The following BLOC1S3 variants were observed in gnomAD, a reference collection of about 807,000 sequenced individuals.
BLOC1S3 encodes the protein biogenesis of lysosomal organelles complex 1 subunit 3.
Under a neutral mutation model 9.1 loss-of-function variants are expected in BLOC1S3, and 7 were observed. The observed-to-expected ratio is 0.77, with a 90% CI of 0.44 to 1.45. The LOEUF is 1.45. Among genes scored for constraint, BLOC1S3 ranks in the 40% most tolerant of loss-of-function variants. The pLI is 0.01. For synonymous variants in BLOC1S3, 145 were observed against 158.4 expected, an observed-to-expected ratio of 0.92 and a Z score of 0.64; for missense variants, 307 against 315.2, an observed-to-expected ratio of 0.97 and a Z score of 0.20.
intron 3 of BLOC1S3, among the ~76,000 whole-genome samples, chr19:45,205,467 A>G (rs1444294371): frequency 2.6e-5 from 4 of 152,192 alleles, no homozygotes; most frequent in African/African-American, 9.7e-5. Flanking sequence ...CCTGGCCAAA[A>G]TACACTTTAA....
chr19:45,179,641 G>C lies in BLOC1S3; in HGVS notation c.345G>C (p.Glu115Asp). The C allele has an allele frequency of 6.8e-7, 1 of 1,472,346 alleles. No homozygotes were observed. The highest frequency in any genetic ancestry group is 8.9e-7 in the Non-Finnish European group (1 of 1,118,066). 91.2% of individuals were successfully genotyped at this position (1,472,346 alleles called of 1,614,324 possible). A position where few individuals can be genotyped will look rare whatever the true frequency, so the allele number is the denominator to read the frequency against. ...ARSLLQLRLAESQARLDHDVA... is the reference protein window; with the variant it reads ...ARSLLQLRLADSQARLDHDVA... ...CGCTCCTGCAACTTCGGCTGGCGGA[G>C]AGCCAGGCGCGGCTGGACCACGACG... The change falls in exon 2 of 2, where the codon GAG (glutamate) becomes GAC (aspartate). Residue 115 changes from glutamate (E) to aspartate (D), a missense_variant. Physicochemically the swap from Glu to Asp is conservative, Grantham distance 45. Coordinates refer to ENST00000433642, the MANE Select transcript of BLOC1S3 (RefSeq NM_212550.5). This position sits in a 1 kb window ranked among gnomAD's most constrained non-coding sequence, Gnocchi z 4.6.
At chr19:45,208,751 C>G (rs1969746284) in intron 3 of BLOC1S3, among the ~76,000 whole-genome samples, 1 of 146,780 alleles carries the variant, frequency 6.8e-6, no homozygotes, top group Admixed American at 6.8e-5. Flanking sequence ...GTGAAACTAT[C>G]TCAGAAAGAA....
intron 2 of BLOC1S3, among the ~76,000 whole-genome samples, chr19:45,201,513 G>A (rs9676738): frequency 0.032 from 4,878 of 152,164 alleles, 106 homozygotes; most frequent in South Asian, 0.066. Flanking sequence ...AGGGCTCTTC[G>A]GCCAGCAGGT....
rs1166916899 is a variant in BLOC1S3 at position 45,180,986 on chromosome 19, A to G, written c.*1081A>G. The G allele has an allele frequency of 6.0e-6, 1 of 167,014 alleles. No homozygotes were observed. The highest frequency in any genetic ancestry group is 2.4e-5 in the African/African-American group (1 of 41,442). The allele number at this position is 167,014 out of a possible 1,614,324, so 10.3% of individuals were successfully genotyped here. ...AGGTGATCCACCCGCCTCACCTCCT[A>G]AAATGCTGGGATTACAGGCGTGGGC... On this transcript the variant is annotated 3_prime_UTR_variant, in exon 2 of 2. Transcript: ENST00000433642.
chr19:45,185,034 G>A (rs1340712335), downstream of BLOC1S3, among the ~76,000 whole-genome samples: 2 of 151,762 alleles, frequency 1.3e-5, no homozygotes, highest in Admixed American at 6.6e-5. Context: ...GAGTATTTCA[G>A]AAGAGGGAGA....
intron 2 of BLOC1S3, among the ~76,000 whole-genome samples, chr19:45,200,054 C>G (rs1191168718): frequency 6.6e-6 from 1 of 152,208 alleles, no homozygotes; most frequent in Admixed American, 6.6e-5. Context: ...GTATGAGCCA[C>G]TGTGCCCGGC....
chr19:45,202,607 T>G (rs1443814722), intron 3 of BLOC1S3: 1 of 152,226 alleles, frequency 6.6e-6, no homozygotes, highest in Admixed American at 6.6e-5. Flanking sequence ...AGACCTCAAT[T>G]GGGGATGCCA....
At position 45,210,982 on chromosome 19, in the gene BLOC1S3, C is replaced by T. The variant is rs115332925; in HGVS notation, n.283-5694C>T. ...AAAATATTAGCTGGGTGTGCTGGCA[C>T]GAGCCTGTAGTCCCAGCTACTCAGA... is the stretch of plus-strand genomic sequence containing the variant. On this transcript the variant is annotated intron_variant and non_coding_transcript_variant, in intron 3 of 3. Transcript: ENST00000591569. Among the ~76,000 whole-genome samples, 1,161 of 152,172 alleles carry T rather than the reference C, an allele frequency of 7.6e-3. 12 individuals are homozygous for T. Among genetic ancestry groups the T allele is most frequent in the African/African-American group, 0.027 (1,109 of 41,520 alleles).
chr19:45,204,859 G>A (rs1299635119), intron 3 of BLOC1S3, among the ~76,000 whole-genome samples: 3 of 151,786 alleles, frequency 2.0e-5, no homozygotes, highest in Non-Finnish European at 4.4e-5. Context: ...AGCCTCCTGA[G>A]TAGCTGGGAT....
chr19:45,213,264 G>C (rs1476922154), intron 3 of BLOC1S3: 1 of 1,613,756 alleles, frequency 6.2e-7, no homozygotes. Flanking sequence ...CCTCCTCAGA[G>C]AGTTCCAGGT....
At position 45,179,513 on chromosome 19, in the gene BLOC1S3, C is replaced by T. The variant is rs1211102235; in HGVS notation, c.217C>T (p.Pro73Ser). ...CTCGGAGCCGGAGCCGGAGCCGGAA[C>T]CGACGGCCGCGCCGAGGGACCTGCC... ...TDSEPEPEPEPTAAPRDLPPL... is the reference protein window; with the variant it reads ...TDSEPEPEPESTAAPRDLPPL... The change falls in exon 2 of 2, where the codon CCG becomes TCG. Residue 73 changes from proline to serine, a missense_variant. Coordinates refer to ENST00000433642, the MANE Select transcript of BLOC1S3 (RefSeq NM_212550.5). The surrounding 1 kb of genome is among the most constrained non-coding windows in gnomAD (Gnocchi z 4.6). The T allele has an allele frequency of 6.6e-7, 1 of 1,523,666 alleles. No homozygotes were observed. The highest frequency in any genetic ancestry group is 8.8e-7 in the Non-Finnish European group (1 of 1,142,810). The allele number at this position is 1,523,666 out of a possible 1,614,324, so 94.4% of individuals were successfully genotyped here. A position where few individuals can be genotyped will look rare whatever the true frequency, so the allele number is the denominator to read the frequency against.
chr19:45,198,713 A>G (rs1203021318), intron 2 of BLOC1S3, among the ~76,000 whole-genome samples: 1 of 151,782 alleles, frequency 6.6e-6, no homozygotes, highest in Non-Finnish European at 1.5e-5. Flanking sequence ...TGTTTTTGAG[A>G]CAGAGTCTCA....
intron 3 of BLOC1S3, among the ~76,000 whole-genome samples, chr19:45,203,333 A>ACG (rs1450594794): frequency 2.7e-4 from 41 of 152,166 alleles, no homozygotes; most frequent in African/African-American, 8.2e-4. Context: ...GAGTGCAATG[A>ACG]CGTGCTCTCG....
chr19:45,200,269 C>T (rs1226061984), intron 2 of BLOC1S3, among the ~76,000 whole-genome samples: 1 of 151,486 alleles, frequency 6.6e-6, no homozygotes, highest in East Asian at 1.9e-4. Context: ...GCAAGCTCCA[C>T]CTCCCGAGTT....
At chr19:45,212,440 TTGAGG>T (rs1444548807) in intron 3 of BLOC1S3, among the ~76,000 whole-genome samples, 3 of 152,172 alleles carry the variant, frequency 2.0e-5, no homozygotes, top group African/African-American at 7.2e-5. Context: ...GGGCCAGACC[TTGAGG>T]TGAGGGAAAG....
chr19:45,204,913 T>C (rs532265059), intron 3 of BLOC1S3, among the ~76,000 whole-genome samples: 7 of 151,722 alleles, frequency 4.6e-5, no homozygotes, highest in African/African-American at 1.7e-4. Context: ...TTTGTATTTT[T>C]AGTAGAGACA....
chr19:45,181,452 G>A lies in BLOC1S3; in HGVS notation c.*1547G>A, dbSNP rs1346886325. On this transcript the variant is annotated 3_prime_UTR_variant, in exon 2 of 2. Coordinates refer to ENST00000433642, the MANE Select transcript of BLOC1S3 (RefSeq NM_212550.5). ...TAAAGTGACACCCTTCAGGCACTTC[G>A]GGCCCAATTCAGCCCAGTCCTGGTG... 1 of 167,080 alleles carries A rather than the reference G, an allele frequency of 6.0e-6. No individual in the cohort carries two copies. The highest frequency in any genetic ancestry group is 2.4e-5 in the African/African-American group (1 of 41,424). The allele number at this position is 167,080 out of a possible 1,614,324, so 10.3% of individuals were successfully genotyped here. A position where few individuals can be genotyped will look rare whatever the true frequency, so the allele number is the denominator to read the frequency against.
chr19:45,213,429 C>T (rs747735507), intron 3 of BLOC1S3: 39 of 1,555,612 alleles, frequency 2.5e-5, no homozygotes, highest in Middle Eastern at 1.7e-4. Flanking sequence ...AGCCGTGGAC[C>T]CCACCTGACC....
intron 3 of BLOC1S3, among the ~76,000 whole-genome samples, chr19:45,208,106 C>T (rs1340723616): frequency 2.0e-5 from 3 of 151,696 alleles, no homozygotes; most frequent in African/African-American, 7.3e-5. Flanking sequence ...TTCCAAGTAG[C>T]TGGGATTATA....
Sources: allele counts gnomAD v4.1 joint callset (sites outside exome capture counted in the v4.1 genomes callset), GRCh38; gene constraint gnomAD v4.1.1; non-coding constraint Gnocchi (gnomAD v3.1); transcripts MANE v1.5; gene names NCBI Gene and HGNC (gene_info 2026-07-23, HGNC 2026-07-21).